PID1: variants seen among roughly 807,000 people sequenced by gnomAD.
PID1 encodes phosphotyrosine interaction domain containing 1, also known as PTB-containing, cubilin and LRP1-interacting protein.
A neutral mutation model predicts 19.1 loss-of-function variants in PID1; 10 were observed. The ratio of observed to expected loss-of-function variants is 0.52; its 90% confidence interval spans 0.32 to 0.89. PID1 has a LOEUF of 0.89. Ranked by LOEUF, PID1 falls within the 40% of genes least tolerant of loss-of-function variation. The probability of loss-of-function intolerance (pLI) is 0.03; values close to 1 mark genes in which losing one functional copy is unlikely to be tolerated. For synonymous variants in PID1, 130 were observed against 116.0 expected (o/e 1.12, Z -0.78); for missense variants, 248 against 285.3 (o/e 0.87, Z 0.94).
chr2:229,217,889 C>A (rs893747284), intron 1 of PID1, among the ~76,000 whole-genome samples: 6 of 152,276 alleles, frequency 3.9e-5, no homozygotes, highest in African/African-American at 1.4e-4. Context: ...CCAAACCAGT[C>A]AATTTCTAAC....
intron 1 of PID1, among the ~76,000 whole-genome samples, chr2:229,168,654 CCA>C: frequency 6.6e-6 from 1 of 152,124 alleles, no homozygotes; most frequent in Non-Finnish European, 1.5e-5. Flanking sequence ...ATTTTAAATT[CCA>C]TATCTGAGTC....
chr2:229,263,644 A>C (rs1009719345), intron 1 of PID1, among the ~76,000 whole-genome samples: 3 of 152,202 alleles, frequency 2.0e-5, no homozygotes, highest in Admixed American at 2.0e-4. Flanking sequence ...TAATGAACTC[A>C]AGCAAAAGTT....
intron 1 of PID1, among the ~76,000 whole-genome samples, chr2:229,156,666 A>G (rs747646689): frequency 6.6e-5 from 10 of 152,068 alleles, no homozygotes; most frequent in Non-Finnish European, 1.0e-4. Flanking sequence ...CTTTGTCCCT[A>G]TACAGAGAAT....
At chr2:229,270,248 G>A (rs531537577) in intron 1 of PID1, among the ~76,000 whole-genome samples, 6 of 152,320 alleles carry the variant, frequency 3.9e-5, no homozygotes, top group African/African-American at 1.4e-4. Flanking sequence ...CCAGCAAAAG[G>A]CAGTCCTCAA....
intron 2 of PID1, among the ~76,000 whole-genome samples, chr2:229,043,623 G>T (rs1693817314): frequency 6.6e-6 from 1 of 152,194 alleles, no homozygotes; most frequent in African/African-American, 2.4e-5. Flanking sequence ...GGAAAAGCAT[G>T]AAGCTCTTTC....
chr2:229,050,955 G>T (rs10204319), intron 2 of PID1, among the ~76,000 whole-genome samples: 2,742 of 152,094 alleles, frequency 0.018, 43 homozygotes, highest in Non-Finnish European at 0.024. Flanking sequence ...ATCCATAATA[G>T]GCCAGCAATG....
intron 1 of PID1, among the ~76,000 whole-genome samples, chr2:229,164,668 A>G (rs1690563474): frequency 1.3e-5 from 2 of 152,202 alleles, no homozygotes; most frequent in African/African-American, 4.8e-5. Context: ...ACAGTTTGTG[A>G]CCCTGGGTAT....
At chr2:229,212,554 A>G (rs1170425079) in intron 1 of PID1, among the ~76,000 whole-genome samples, 2 of 152,142 alleles carry the variant, frequency 1.3e-5, no homozygotes, top group Admixed American at 1.3e-4. Flanking sequence ...CCTATTTTAG[A>G]TTGTTATTTC....
chr2:229,209,285 T>C (rs1431108963), intron 1 of PID1, among the ~76,000 whole-genome samples: 2 of 152,216 alleles, frequency 1.3e-5, no homozygotes, highest in Non-Finnish European at 2.9e-5. Flanking sequence ...GGATGCTGGC[T>C]GGTCACCAGA....
At chr2:229,153,605 T>C (rs1401859161) in intron 2 of PID1, among the ~76,000 whole-genome samples, 1 of 152,146 alleles carries the variant, frequency 6.6e-6, no homozygotes, top group Admixed American at 6.5e-5. Context: ...TTCAACGTCC[T>C]TTTAAAAGTA....
At chr2:229,032,833 A>ACC (rs1477884582) in intron 2 of PID1, among the ~76,000 whole-genome samples, 2 of 152,134 alleles carry the variant, frequency 1.3e-5, no homozygotes, top group Non-Finnish European at 2.9e-5. Context: ...GACCTGCCCA[A>ACC]CCCCAACTGA....
chr2:229,126,619 G>A (rs1574649698), intron 2 of PID1, among the ~76,000 whole-genome samples: 1 of 152,182 alleles, frequency 6.6e-6, no homozygotes, highest in South Asian at 2.1e-4. Context: ...GGGATTTAAT[G>A]TATACTCTGA....
At chr2:229,238,209 C>A (rs747107410) in intron 1 of PID1, among the ~76,000 whole-genome samples, 1 of 152,120 alleles carries the variant, frequency 6.6e-6, no homozygotes, top group Non-Finnish European at 1.5e-5. Context: ...GGAAAGCCTG[C>A]CTCTAATCAT....
chr2:229,188,685 G>A (rs1212881728), intron 1 of PID1, among the ~76,000 whole-genome samples: 3 of 149,634 alleles, frequency 2.0e-5, no homozygotes, highest in African/African-American at 7.4e-5. Context: ...GTTGCAGTGA[G>A]CTGAGATCGT....
At chr2:229,138,075 T>C in intron 2 of PID1, among the ~76,000 whole-genome samples, 1 of 152,166 alleles carries the variant, frequency 6.6e-6, no homozygotes, top group East Asian at 1.9e-4. Flanking sequence ...AGAAACCACA[T>C]TCCTAGAGAA....
chr2:229,063,769 G>T (rs1694263738), intron 2 of PID1, among the ~76,000 whole-genome samples: 1 of 151,916 alleles, frequency 6.6e-6, no homozygotes, highest in African/African-American at 2.4e-5. Context: ...GCACCCTTTA[G>T]ATCTATTAAA....
At chr2:229,031,033 T>C (rs551165223) in intron 2 of PID1, among the ~76,000 whole-genome samples, 258 of 151,568 alleles carry the variant, frequency 1.7e-3, no homozygotes, top group Non-Finnish European at 3.0e-3. Context: ...CTGGCCAATA[T>C]GGTGAAACCC....
At chr2:229,069,143 T>TTTTGTG (rs369977117) in intron 2 of PID1, among the ~76,000 whole-genome samples, 14 of 140,708 alleles carry the variant, frequency 9.9e-5, no homozygotes, top group South Asian at 7.2e-4. Flanking sequence ...AGAAGGGTTT[T>TTTTGTG]TGTGTGTGTG....
intron 1 of PID1, among the ~76,000 whole-genome samples, chr2:229,226,396 G>C (rs535194379): frequency 4.6e-5 from 7 of 152,178 alleles, no homozygotes; most frequent in Admixed American, 1.3e-4. Context: ...AGCAAAAGAT[G>C]TTGCTGAATC....
Sources: allele counts gnomAD v4.1 joint callset (sites outside exome capture counted in the v4.1 genomes callset), GRCh38; gene constraint gnomAD v4.1.1; transcripts MANE v1.5; gene names NCBI Gene and HGNC (gene_info 2026-07-23, HGNC 2026-07-21).